MCTP2: variants seen among roughly 807,000 people sequenced by gnomAD.
The protein encoded by MCTP2 is multiple C2 and transmembrane domain-containing protein 2.
A neutral mutation model predicts 111.6 loss-of-function variants in MCTP2; 132 were observed. That is an observed-to-expected ratio of 1.18 (90% CI 1.03 to 1.37). The LOEUF (loss-of-function observed/expected upper bound fraction) is 1.37. Ranked by LOEUF, MCTP2 falls within the 40% of genes most tolerant of loss-of-function variation. The pLI is 0.00. For synonymous variants in MCTP2, 395 were observed against 387.7 expected, an observed-to-expected ratio of 1.02 and a Z score of -0.22; for missense variants, 1,183 against 1,067.9, an observed-to-expected ratio of 1.11 and a Z score of -1.50.
At chr15:94,432,854 T>C (rs940304644) in intron 17 of MCTP2, among the ~76,000 whole-genome samples, 1 of 152,220 alleles carries the variant, frequency 6.6e-6, no homozygotes, top group Admixed American at 6.5e-5. Flanking sequence ...CCAGAGTACT[T>C]AGGCGAACAG....
rs2164019 is a variant in MCTP2 at position 94,356,125 on chromosome 15, T to G, written c.1006-12T>G. 0.21 allele frequency: 327,250 copies of G among 1,539,644 alleles called. 36,363 individuals are homozygous for G. Among genetic ancestry groups the G allele is most frequent in the Admixed American group, 0.33 (16,986 of 51,946 alleles). ...AAGCAAGTTTACATGTCATCTTTAT[T>G]TTTTGCTTTAGTCCTCTTTGATACG... On this transcript the variant is annotated splice_polypyrimidine_tract_variant and intron_variant, in intron 8 of 22. Coordinates refer to ENST00000357742, the MANE Select transcript of MCTP2 (RefSeq NM_001385001.1).
chr15:94,432,781 T>A (rs2083266280), intron 17 of MCTP2, among the ~76,000 whole-genome samples: 1 of 152,234 alleles, frequency 6.6e-6, no homozygotes, highest in Non-Finnish European at 1.5e-5. Flanking sequence ...TGTTTCCTAA[T>A]CTCAAATTCA....
rs142281247 is a variant in MCTP2 at position 94,392,485 on chromosome 15, G to T, written c.1789-6476G>T. 3.9e-5 allele frequency among the ~76,000 whole-genome samples: 6 copies of T among 152,076 alleles called. No homozygotes were observed. In the East Asian group the frequency reaches 9.6e-4, roughly 24 times the overall value. ...AGGGAAAAATAATAAAACTAGAATT[G>T]TCAAATGATATATATTATGTATTCA... On this transcript the variant is annotated intron_variant, in intron 14 of 22. Transcript: ENST00000357742.
At chr15:94,315,661 G>C (rs1219783933) in intron 4 of MCTP2, 24 bp downstream of exon 4, 12 of 1,539,180 alleles carry the variant, frequency 7.8e-6, no homozygotes, top group Non-Finnish European at 1.1e-5. Context: ...CTGTTATGGT[G>C]GGTGTAGCCT....
intron 1 of MCTP2, among the ~76,000 whole-genome samples, chr15:94,258,808 A>T (rs896523958): frequency 6.6e-6 from 1 of 152,146 alleles, no homozygotes; most frequent in Non-Finnish European, 1.5e-5. Context: ...CAGTTTTGTT[A>T]TTTGTTTTCC....
At chr15:94,379,773 G>GATATA (rs1567573483) in intron 12 of MCTP2, among the ~76,000 whole-genome samples, 11 of 142,312 alleles carry the variant, frequency 7.7e-5, no homozygotes, top group African/African-American at 2.7e-4. Context: ...TATATGATAT[G>GATATA]TAATATATAA....
chr15:94,314,186 C>A, intron 2 of MCTP2, 96 bp from the exon 3 acceptor site: 2 of 826,258 alleles, frequency 2.4e-6, no homozygotes, highest in South Asian at 1.6e-5. Flanking sequence ...ATGCAAATAT[C>A]AGATTTCCAA....
chr15:94,419,183 A>G (rs538376810), intron 17 of MCTP2, among the ~76,000 whole-genome samples: 1 of 152,262 alleles, frequency 6.6e-6, no homozygotes, highest in Non-Finnish European at 1.5e-5. Context: ...ACCCACACCA[A>G]ACTGGAACTA....
At chr15:94,276,947 C>CAAAA (rs71132999) in intron 1 of MCTP2, among the ~76,000 whole-genome samples, 5 of 118,748 alleles carry the variant, frequency 4.2e-5, no homozygotes, top group African/African-American at 9.3e-5. Context: ...GTTGGAAGCC[C>CAAAA]AAAAAAAAAA....
chr15:94,275,153 TCTTAA>T (rs1424700856), intron 1 of MCTP2, among the ~76,000 whole-genome samples: 2 of 152,188 alleles, frequency 1.3e-5, no homozygotes, highest in African/African-American at 4.8e-5. Flanking sequence ...AAGAGAATTT[TCTTAA>T]CTTGATGAGT....
At chr15:94,279,989 T>C (rs1567322028) in intron 1 of MCTP2, among the ~76,000 whole-genome samples, 2 of 152,196 alleles carry the variant, frequency 1.3e-5, no homozygotes, top group Non-Finnish European at 2.9e-5. Flanking sequence ...GATGTGCTGC[T>C]GGATTCAGTT....
chr15:94,242,822 T>C (rs1016198234), intron 1 of MCTP2, among the ~76,000 whole-genome samples: 3 of 151,426 alleles, frequency 2.0e-5, no homozygotes, highest in Non-Finnish European at 3.0e-5. Context: ...TAGTGGTTTC[T>C]TGGTAGTTAC....
At chr15:94,259,213 A>T (rs2073034795) in intron 1 of MCTP2, among the ~76,000 whole-genome samples, 1 of 152,164 alleles carries the variant, frequency 6.6e-6, no homozygotes. Flanking sequence ...TACTCTGCCT[A>T]GGGAGGCTAA....
intron 17 of MCTP2, among the ~76,000 whole-genome samples, chr15:94,412,990 A>G (rs529717918): frequency 6.6e-6 from 1 of 152,186 alleles, no homozygotes; most frequent in South Asian, 2.1e-4. Flanking sequence ...CGATTTTTAC[A>G]TTTTTGATAA....
At chr15:94,311,379 T>C (rs1015983596) in intron 2 of MCTP2, among the ~76,000 whole-genome samples, 8 of 152,172 alleles carry the variant, frequency 5.3e-5, no homozygotes, top group African/African-American at 1.9e-4. Context: ...GTATTCCTGA[T>C]GAAATAAATA....
At chr15:94,436,814 A>G (rs2083500495) in intron 17 of MCTP2, among the ~76,000 whole-genome samples, 1 of 152,106 alleles carries the variant, frequency 6.6e-6, no homozygotes, top group South Asian at 2.1e-4. Flanking sequence ...TTTACCCAGT[A>G]GACAGGCATT....
At chr15:94,409,468 C>A (rs1596618726) in intron 17 of MCTP2, among the ~76,000 whole-genome samples, 1 of 152,136 alleles carries the variant, frequency 6.6e-6, no homozygotes. Context: ...ATATATATTC[C>A]TATTCCATTA....
intron 10 of MCTP2, among the ~76,000 whole-genome samples, chr15:94,366,537 A>T (rs2079193378): frequency 6.6e-6 from 1 of 152,210 alleles, no homozygotes; most frequent in African/African-American, 2.4e-5. Context: ...CCATTGCTTT[A>T]TATAGTATGT....
intron 17 of MCTP2, among the ~76,000 whole-genome samples, chr15:94,418,871 G>A (rs1010698237): frequency 1.3e-5 from 2 of 152,082 alleles, no homozygotes; most frequent in African/African-American, 4.8e-5. Flanking sequence ...GTCCATTAAT[G>A]TATTCTAAAG....
Sources: gnomAD v4.1 joint callset for allele counts (sites outside exome capture counted in the v4.1 genomes callset) on GRCh38, gnomAD v4.1.1 for gene constraint, MANE v1.5 for transcripts, NCBI Gene and HGNC (gene_info 2026-07-23, HGNC 2026-07-21) for gene names.